CLCN1: variants seen among roughly 807,000 people sequenced by gnomAD.
CLCN1 encodes chloride channel protein 1.
A neutral mutation model predicts 114.5 loss-of-function variants in CLCN1; 100 were observed. The observed-to-expected ratio is 0.87, with a 90% CI of 0.74 to 1.03. CLCN1 has a LOEUF of 1.03. CLCN1 is among the 50% of genes least tolerant of loss of function. The pLI, the probability that CLCN1 is intolerant of heterozygous loss-of-function variation, is 0.00. For synonymous variants in CLCN1, 485 were observed against 487.1 expected, an observed-to-expected ratio of 1.00 and a Z score of 0.06; for missense variants, 1,188 against 1,250.0, an observed-to-expected ratio of 0.95 and a Z score of 0.75.
In CLCN1 at chr7:143,351,857, G is replaced by T; in HGVS notation, c.2859G>T (p.Glu953Asp). 1 of 1,613,884 alleles carries T rather than the reference G, an allele frequency of 6.2e-7. No individual in the cohort carries two copies. The highest frequency in any genetic ancestry group is 2.2e-5 in the East Asian group (1 of 44,868). Residue 953 changes from glutamate to aspartate, a missense_variant, in exon 23 of 23, where the codon GAG becomes GAT. By Grantham distance (45) the Glu-to-Asp change is conservative (BLOSUM62 2). Transcript: ENST00000343257. ...APGKVEGELE[E>D]LELVESPGLE... Reference sequence around the variant, plus strand: ...GCAAGGTAGAGGGCGAGTTGGAGGAGCTGGAGCTGGTGGAGAGTCCAGGGC... The same window carrying T: ...GCAAGGTAGAGGGCGAGTTGGAGGATCTGGAGCTGGTGGAGAGTCCAGGGC...
At position 143,320,603 on chromosome 7, in the gene CLCN1, A is replaced by T. The variant is rs115234160; in HGVS notation, c.302-61A>T. The T allele has an allele frequency of 3.7e-3, 5,113 of 1,368,464 alleles. 137 individuals carry two copies. In the African/African-American group the frequency reaches 0.064, roughly 17 times the overall value. The allele number at this position is 1,368,464 out of a possible 1,614,324, so 84.8% of individuals were successfully genotyped here. A position where few individuals can be genotyped will look rare whatever the true frequency, so the allele number is the denominator to read the frequency against. The stretch of plus-strand genomic sequence containing the variant: ...TCTCTCTCTGTCTCTACATATATAT[A>T]TTTTTGTTTGTTTGTTTGTTTGTTG... On this transcript the variant is annotated intron_variant, in intron 2 of 22. Transcript: ENST00000343257.
chr7:143,329,384 C>T (rs964858733), intron 7 of CLCN1, among the ~76,000 whole-genome samples: 1 of 152,128 alleles, frequency 6.6e-6, no homozygotes, highest in African/African-American at 2.4e-5. Context: ...CGGATGGTTT[C>T]GACCTGAAGA....
chr7:143,351,734 C>T lies in CLCN1; in HGVS notation c.2736C>T (p.Asp912=). Residue 912 remains aspartate (D), a synonymous_variant, in exon 23 of 23, where the codon GAC becomes GAT. Coordinates refer to ENST00000343257, the MANE Select transcript of CLCN1 (RefSeq NM_000083.3). ...SSAENWNLPE[D]RPGATGTGDV... is the part of the protein sequence containing the mutation. ...CAGAGAACTGGAACCTGCCTGAGGACAGGCCTGGGGCCACTGGAACAGGGG... is the reference window on the plus strand; with the variant it reads ...CAGAGAACTGGAACCTGCCTGAGGATAGGCCTGGGGCCACTGGAACAGGGG... 1 of 1,614,186 alleles carries T rather than the reference C, an allele frequency of 6.2e-7. No homozygotes were observed. The highest frequency in any genetic ancestry group is 2.2e-5 in the East Asian group (1 of 44,870).
chr7:143,334,023 G>A (rs1419547928), intron 12 of CLCN1, among the ~76,000 whole-genome samples: 1 of 152,176 alleles, frequency 6.6e-6, no homozygotes, highest in Non-Finnish European at 1.5e-5. Context: ...AGACTAGCCT[G>A]ACCAACATGG....
intron 7 of CLCN1, among the ~76,000 whole-genome samples, chr7:143,328,902 G>A (rs1003396222): frequency 1.3e-5 from 2 of 151,518 alleles, no homozygotes; most frequent in African/African-American, 4.9e-5. Context: ...CCAGAGAATA[G>A]ACATTCAGCC....
intron 12 of CLCN1, among the ~76,000 whole-genome samples, chr7:143,338,786 C>A (rs367901812): frequency 6.9e-6 from 1 of 144,582 alleles, no homozygotes; most frequent in Non-Finnish European, 1.5e-5. Flanking sequence ...AGAGAGAGAC[C>A]CTGTCTCAAA....
chr7:143,331,220 T>C lies in CLCN1; in HGVS notation c.980-12T>C, dbSNP rs756454039. 2.5e-6 allele frequency: 4 copies of C among 1,597,712 alleles called. No individual in the cohort carries two copies. The highest frequency in any genetic ancestry group is 3.4e-6 in the Non-Finnish European group (4 of 1,165,054). ...AAGCTCCCATCGTAATACTGGCCTT[T>C]CCATCCTACAGTCACCATCACTGCT... On this transcript the variant is annotated splice_polypyrimidine_tract_variant and intron_variant, in intron 8 of 22. Coordinates refer to ENST00000343257, the MANE Select transcript of CLCN1 (RefSeq NM_000083.3).
At chr7:143,322,569 C>G (rs1802469827) in intron 5 of CLCN1, among the ~76,000 whole-genome samples, 1 of 152,250 alleles carries the variant, frequency 6.6e-6, no homozygotes, top group South Asian at 2.1e-4. Context: ...CTTGCCCAAG[C>G]TGGAGTGCAG....
Position 143,321,948 on chromosome 7 carries a change from G to T in CLCN1, c.696+100G>T. 7.1e-7 allele frequency: 1 copy of T among 1,399,200 alleles called. No individual in the cohort carries two copies. Among genetic ancestry groups the T allele is most frequent in the Non-Finnish European group, 9.8e-7 (1 of 1,021,744 alleles). The allele number at this position is 1,399,200 out of a possible 1,614,324, so 86.7% of individuals were successfully genotyped here. On this transcript the variant is annotated intron_variant, in intron 5 of 22. Transcript: ENST00000343257. The surrounding 1 kb of genome is among the most constrained non-coding windows in gnomAD (Gnocchi z 4.2). ...CTCTGGGAGTGGAAGTGGATCAGGGGACAGGACCAAGGCCAGGGCCAGGGG... is the reference window on the plus strand; with the variant it reads ...CTCTGGGAGTGGAAGTGGATCAGGGTACAGGACCAAGGCCAGGGCCAGGGG...
intron 16 of CLCN1, among the ~76,000 whole-genome samples, chr7:143,343,176 T>C (rs1486969366): frequency 6.6e-6 from 1 of 152,234 alleles, no homozygotes; most frequent in Non-Finnish European, 1.5e-5. Flanking sequence ...ATTGAACTTG[T>C]GCCAACAGCA....
In CLCN1 at chr7:143,339,556, T is replaced by G. The variant is rs1271778777; in HGVS notation, c.1517T>G (p.Phe506Cys). 6 of 1,614,040 alleles carry G rather than the reference T, an allele frequency of 3.7e-6. 1 individual carries two copies. Residue 506 changes from phenylalanine to cysteine, a missense_variant, in exon 14 of 23, where the codon TTT (phenylalanine) becomes TGT (cysteine). Physicochemically the swap from Phe to Cys is radical, Grantham distance 205. Transcript: ENST00000343257. This position sits in a 1 kb window ranked among gnomAD's most constrained non-coding sequence, Gnocchi z 4.1. ...RLVGEIMAML[F>C]PDGILFDDII... The stretch of plus-strand genomic sequence containing the variant: ...GTAGGAGAAATCATGGCCATGCTCT[T>G]TCCTGATGGTATTTTGTTTGATGAC...
At chr7:143,343,041 A>T (rs1425085854) in intron 16 of CLCN1, among the ~76,000 whole-genome samples, 1 of 152,222 alleles carries the variant, frequency 6.6e-6, no homozygotes, top group African/African-American at 2.4e-5. Flanking sequence ...CTCCTAGGAA[A>T]AATACAGGGC....
chr7:143,321,481 C>T lies in CLCN1; in HGVS notation c.550C>T (p.Pro184Ser). Residue 184 changes from proline (P) to serine (S), a missense_variant, in exon 4 of 23, where the codon CCC becomes TCC. Physicochemically the swap from Pro to Ser is moderately conservative, Grantham distance 74. Transcript: ENST00000343257. This position sits in a 1 kb window ranked among gnomAD's most constrained non-coding sequence, Gnocchi z 4.2. ...FSALFCHLIS[P>S]QAVGSGIPEM... is the part of the protein sequence containing the mutation. Reference sequence around the variant, plus strand: ...CGCCCTCTTCTGCCACCTCATCTCTCCCCAGGCTGTTGGTGAGAACTTGCC... The same window carrying T: ...CGCCCTCTTCTGCCACCTCATCTCTTCCCAGGCTGTTGGTGAGAACTTGCC... 1 of 1,614,126 alleles carries T rather than the reference C, an allele frequency of 6.2e-7. No homozygotes were observed. Among genetic ancestry groups the T allele is most frequent in the Middle Eastern group, 1.6e-4 (1 of 6,062 alleles).
At chr7:143,320,335 G>A (rs1802391498) in intron 2 of CLCN1, among the ~76,000 whole-genome samples, 1 of 152,158 alleles carries the variant, frequency 6.6e-6, no homozygotes, top group Non-Finnish European at 1.5e-5. Flanking sequence ...CCTATTCCCT[G>A]TTATTCCTCC....
intron 1 of CLCN1, 95 bp downstream of exon 1, chr7:143,316,487 C>T: frequency 2.6e-6 from 3 of 1,148,870 alleles, no homozygotes; most frequent in Non-Finnish European, 3.8e-6. Context: ...AAAGAGGGAG[C>T]AGTGTTACAT....
rs377588490 is a variant in CLCN1 at position 143,339,633 on chromosome 7, T to A, written c.1582+12T>A. The A allele has an allele frequency of 1.4e-6, 2 of 1,478,628 alleles. No homozygotes were observed. Among genetic ancestry groups the A allele is most frequent in the African/African-American group, 2.8e-5 (2 of 72,182 alleles). The allele number at this position is 1,478,628 out of a possible 1,614,324, so 91.6% of individuals were successfully genotyped here. ...CTATGCAGTAATTGGTGAGAAACATTCCCACTTCCCTGTAATCAAACATTG... is the reference window on the plus strand; with the variant it reads ...CTATGCAGTAATTGGTGAGAAACATACCCACTTCCCTGTAATCAAACATTG... On this transcript the variant is annotated intron_variant, in intron 14 of 22. Transcript: ENST00000343257. The surrounding 1 kb of genome is among the most constrained non-coding windows in gnomAD (Gnocchi z 4.1).
intron 1 of CLCN1, among the ~76,000 whole-genome samples, chr7:143,318,308 C>T (rs936227198): frequency 5.9e-5 from 9 of 152,148 alleles, no homozygotes; most frequent in Admixed American, 3.9e-4. Flanking sequence ...CCGCAATCTC[C>T]GCCTCCCTGG....
At position 143,350,529 on chromosome 7, in the gene CLCN1, G is replaced by C. The variant is rs1425937696; in HGVS notation, c.2509-39G>C. The stretch of plus-strand genomic sequence containing the variant: ...TGTGGGGAAGGCAGGAGAGCTGTGG[G>C]GCAAGGAACATGCACTGACCTGTGC... On this transcript the variant is annotated intron_variant, in intron 21 of 22. Transcript: ENST00000343257. This position sits in a 1 kb window ranked among gnomAD's most constrained non-coding sequence, Gnocchi z 5.1. The C allele has an allele frequency of 3.7e-6, 6 of 1,610,222 alleles. No individual in the cohort carries two copies. The highest frequency in any genetic ancestry group is 5.1e-6 in the Non-Finnish European group (6 of 1,176,640).
intron 1 of CLCN1, among the ~76,000 whole-genome samples, chr7:143,318,964 T>C (rs1802358405): frequency 1.3e-5 from 2 of 152,224 alleles, no homozygotes; most frequent in African/African-American, 4.8e-5. Flanking sequence ...TGGCCTGGCC[T>C]GACCCTGGCC....
Sources: gnomAD v4.1 joint callset for allele counts (sites outside exome capture counted in the v4.1 genomes callset) on GRCh38, gnomAD v4.1.1 for gene constraint, Gnocchi (gnomAD v3.1) non-coding constraint, MANE v1.5 for transcripts, NCBI Gene and HGNC (gene_info 2026-07-23, HGNC 2026-07-21) for gene names.